DMD: variants seen among roughly 807,000 people sequenced by gnomAD.
DMD encodes the protein mutant dystrophin.
Under a neutral mutation model 330.1 loss-of-function variants are expected in DMD, and 63 were observed. The observed-to-expected ratio is 0.19, with a 90% CI of 0.16 to 0.24. The LOEUF is 0.24. Among genes scored for constraint, DMD ranks in the 10% least tolerant of loss-of-function variants. The probability of loss-of-function intolerance (pLI) is 1.00; values close to 1 mark genes in which losing one functional copy is unlikely to be tolerated. For synonymous variants in DMD, 1,223 were observed against 959.8 expected (o/e 1.27, Z -5.07); for missense variants, 3,344 against 2,684.1 (o/e 1.25, Z -5.43).
intron 60 of DMD, among the ~76,000 whole-genome samples, chrX:31,386,599 G>T (rs1224435799): frequency 1.8e-5 from 2 of 112,070 alleles, no homozygotes; most frequent in African/African-American, 6.5e-5. Context: ...CTGGGGACAG[G>T]GGTCTAATCC....
At chrX:32,622,482 T>G (rs544962024) in intron 11 of DMD, among the ~76,000 whole-genome samples, 2 of 111,910 alleles carry the variant, frequency 1.8e-5, no homozygotes, top group African/African-American at 6.5e-5. Flanking sequence ...TTTTTGCCAG[T>G]AGTTAAAATT....
intron 45 of DMD, among the ~76,000 whole-genome samples, chrX:31,951,127 A>ATATATATATC (rs1569521202): frequency 7.3e-5 from 6 of 82,052 alleles, no homozygotes; most frequent in African/African-American, 3.2e-4. Context: ...ATATACATAT[A>ATATATATATC]TATATATATA....
intron 60 of DMD, among the ~76,000 whole-genome samples, chrX:31,397,837 T>C (rs765090411): frequency 8.9e-6 from 1 of 112,348 alleles, no homozygotes; most frequent in African/African-American, 3.2e-5. Flanking sequence ...TAATGCAAAG[T>C]TTCCTTCTCT....
At chrX:32,007,246 TAATAAAG>T (rs1458300126) in intron 44 of DMD, among the ~76,000 whole-genome samples, 1 of 73,313 alleles carries the variant, frequency 1.4e-5, no homozygotes, top group East Asian at 3.9e-4. Flanking sequence ...ATAATAATAA[TAATAAAG>T]AAAAGAGTGG....
chrX:32,812,581 C>A (rs1341348246), intron 6 of DMD, among the ~76,000 whole-genome samples: 1 of 112,150 alleles, frequency 8.9e-6, no homozygotes, highest in Non-Finnish European at 1.9e-5. Flanking sequence ...TGCAGTGAGC[C>A]AAGGTTGGCC....
chrX:32,879,197 T>G (rs2083674539), intron 2 of DMD, among the ~76,000 whole-genome samples: 1 of 110,722 alleles, frequency 9.0e-6, no homozygotes, highest in South Asian at 3.7e-4. Flanking sequence ...CTATCTTCCT[T>G]TTGGTAAAAA....
chrX:31,654,100 T>A (rs137864300), intron 54 of DMD, among the ~76,000 whole-genome samples: 1 of 112,326 alleles, frequency 8.9e-6, no homozygotes, highest in African/African-American at 3.2e-5. Context: ...AATATAAACA[T>A]TAGTTTACTT....
intron 48 of DMD, among the ~76,000 whole-genome samples, chrX:31,845,375 GTCTCTCTCTCTCTCTCTCTC>G (rs535397626): frequency 0.013 from 779 of 60,092 alleles, 13 homozygotes; most frequent in African/African-American, 0.037. Context: ...ACAGAATAAA[GTCTCTCTCTCTCTCTCTCTC>G]TCTCTCTCTC....
intron 44 of DMD, among the ~76,000 whole-genome samples, chrX:32,078,078 T>G (rs920243987): frequency 9.0e-5 from 10 of 111,282 alleles, no homozygotes; most frequent in African/African-American, 3.3e-4. Flanking sequence ...TTCTCTAAAA[T>G]CCACATTTAT....
At chrX:31,626,865 CTTA>C (rs1317972142) in intron 55 of DMD, among the ~76,000 whole-genome samples, 1 of 111,652 alleles carries the variant, frequency 9.0e-6, no homozygotes, top group African/African-American at 3.3e-5. Flanking sequence ...AATCAATCAT[CTTA>C]TTATAATGAT....
At chrX:31,384,281 G>T (rs981042163) in intron 60 of DMD, among the ~76,000 whole-genome samples, 2 of 109,418 alleles carry the variant, frequency 1.8e-5, no homozygotes, top group Non-Finnish European at 3.8e-5. Context: ...GTTCCCGCCC[G>T]CGAGGGGATC....
intron 7 of DMD, among the ~76,000 whole-genome samples, chrX:32,703,363 A>C (rs911610603): frequency 9.0e-6 from 1 of 111,233 alleles, no homozygotes; most frequent in Non-Finnish European, 1.9e-5. Flanking sequence ...TTTTTTTGTC[A>C]TTTTTGTCAT....
At chrX:32,866,752 G>GT (rs2082539176) in intron 2 of DMD, among the ~76,000 whole-genome samples, 4 of 84,104 alleles carry the variant, frequency 4.8e-5, no homozygotes, top group Admixed American at 1.4e-4. Flanking sequence ...TGGGGGGGGG[G>GT]GGACAGAGTT....
At chrX:32,214,576 TC>T (rs2147847359) in intron 44 of DMD, among the ~76,000 whole-genome samples, 1 of 111,820 alleles carries the variant, frequency 8.9e-6, no homozygotes, top group Admixed American at 9.5e-5. Context: ...TACCACCTGT[TC>T]CCACGAGCCC....
At position 32,522,681 on chromosome X, in the gene DMD, C is replaced by T. The variant is rs773803044; in HGVS notation, c.2169-4550G>A. 2.1e-3 allele frequency among the ~76,000 whole-genome samples: 232 copies of T among 112,177 alleles called. 1 individual carries two copies. Among genetic ancestry groups the T allele is most frequent in the Middle Eastern group, 4.6e-3 (1 of 216 alleles). ...CTCTTAACTGTATATTCTACTTTGT[C>T]TTTTATTCAAGTACTTGTAGAAACA... On this transcript the variant is annotated intron_variant, in intron 17 of 78. Transcript: ENST00000357033.
intron 78 of DMD, among the ~76,000 whole-genome samples, chrX:31,124,465 A>G (rs2033330006): frequency 9.0e-6 from 1 of 111,692 alleles, no homozygotes; most frequent in African/African-American, 3.3e-5. Flanking sequence ...TGTGTAAGGC[A>G]GAGCATTCGG....
At position 32,026,886 on chromosome X, in the gene DMD, CTT is replaced by C. The variant is rs371786844; in HGVS notation, c.6439-58374_6439-58373del. 6.4e-3 allele frequency among the ~76,000 whole-genome samples: 714 copies of C among 111,140 alleles called. 9 individuals are homozygous for C. The highest frequency in any genetic ancestry group is 0.022 in the African/African-American group (662 of 30,503). Reference sequence around the variant, plus strand: ...TTTCATCTCCTAGGTCTTTGGGACTCTTTTCCATAAGGTTAGCAAATGGGAAG... The same window carrying C: ...TTTCATCTCCTAGGTCTTTGGGACTCTTCCATAAGGTTAGCAAATGGGAAG... On this transcript the variant is annotated intron_variant, in intron 44 of 78. Transcript: ENST00000357033.
intron 2 of DMD, among the ~76,000 whole-genome samples, chrX:32,979,115 A>C (rs1381605823): frequency 8.9e-6 from 1 of 112,137 alleles, no homozygotes; most frequent in African/African-American, 3.2e-5. Context: ...ATGATCTCCA[A>C]CTCTGACAAT....
chrX:32,924,611 C>T (rs1202843897), intron 2 of DMD, among the ~76,000 whole-genome samples: 3 of 112,119 alleles, frequency 2.7e-5, no homozygotes, highest in African/African-American at 9.7e-5. Context: ...TTTCAAACCA[C>T]AGCCCTATTG....
Sources: gnomAD v4.1 joint callset for allele counts (sites outside exome capture counted in the v4.1 genomes callset) on GRCh38, gnomAD v4.1.1 for gene constraint, MANE v1.5 for transcripts, NCBI Gene and HGNC (gene_info 2026-07-23, HGNC 2026-07-21) for gene names.